The following USP24 variants were observed in gnomAD, a reference collection of about 807,000 sequenced individuals.
The protein encoded by USP24 is ubiquitin carboxyl-terminal hydrolase 24.
A neutral mutation model predicts 361.6 loss-of-function variants in USP24; 97 were observed. That is an observed-to-expected ratio of 0.27 (90% CI 0.23 to 0.32). The LOEUF (loss-of-function observed/expected upper bound fraction) is 0.32. USP24 is among the 10% of genes least tolerant of loss of function. The pLI, the probability that USP24 is intolerant of heterozygous loss-of-function variation, is 1.00. For synonymous variants in USP24, 1,098 were observed against 1,124.6 expected, an observed-to-expected ratio of 0.98 and a Z score of 0.47; for missense variants, 2,353 against 3,165.6, an observed-to-expected ratio of 0.74 and a Z score of 6.16.
At chr1:55,193,215 C>A (rs1644334542) in intron 1 of USP24, among the ~76,000 whole-genome samples, 1 of 152,028 alleles carries the variant, frequency 6.6e-6, no homozygotes, top group Admixed American at 6.6e-5. Flanking sequence ...ATTTAAAGTA[C>A]ACAGGAGGAT....
In USP24 at chr1:55,093,905, T is replaced by G. The variant is rs771207345; in HGVS notation, c.6354+32A>C. 106 of 1,612,214 alleles carry G rather than the reference T, an allele frequency of 6.6e-5. 1 individual carries two copies. The Admixed American group carries it at 1.2e-3, about 18-fold the overall frequency. On this transcript the variant is annotated intron_variant, in intron 52 of 67. Coordinates refer to ENST00000294383, the MANE Select transcript of USP24 (RefSeq NM_015306.3). ...ATACATTTTGATGTCCACGTGGATATTCCCCCTTAGAATTTTTTATATGGT... is the reference window on the plus strand; with the variant it reads ...ATACATTTTGATGTCCACGTGGATAGTCCCCCTTAGAATTTTTTATATGGT...
intron 39 of USP24, among the ~76,000 whole-genome samples, chr1:55,107,783 A>G (rs1028576824): frequency 2.9e-5 from 4 of 137,808 alleles, no homozygotes; most frequent in Middle Eastern, 7.5e-3. Flanking sequence ...CAGAGGTTGC[A>G]GTGAGCTGAG....
In USP24 at chr1:55,207,560, C is replaced by A. The variant is rs184221802; in HGVS notation, c.324+7230G>T. Among the ~76,000 whole-genome samples, 3 of 152,240 alleles carry A rather than the reference C, an allele frequency of 2.0e-5. No individual in the cohort carries two copies. In the East Asian group the frequency reaches 5.8e-4, roughly 29 times the overall value. ...AATAAGAATACAACAATAAAAAATA[C>A]AAACAAGAAACAATATGATGTAACA... On this transcript the variant is annotated intron_variant, in intron 1 of 67. Transcript: ENST00000294383.
At chr1:55,172,967 A>C (rs531212518) in intron 3 of USP24, among the ~76,000 whole-genome samples, 1 of 152,350 alleles carries the variant, frequency 6.6e-6, no homozygotes, top group East Asian at 1.9e-4. Flanking sequence ...ATGAGGATTA[A>C]AAGATATAAC....
intron 63 of USP24, 28 bp downstream of exon 63, chr1:55,075,429 A>G (rs777910006): frequency 1.3e-6 from 2 of 1,576,514 alleles, no homozygotes; most frequent in Admixed American, 1.8e-5. Context: ...TACTATAGAC[A>G]TTTGTGCATA....
At chr1:55,084,872 C>T (rs796597652) in intron 56 of USP24, among the ~76,000 whole-genome samples, 1 of 152,292 alleles carries the variant, frequency 6.6e-6, no homozygotes, top group African/African-American at 2.4e-5. Context: ...GGGTAATATG[C>T]TACGGCCTGA....
intron 1 of USP24, among the ~76,000 whole-genome samples, chr1:55,195,091 T>C (rs1644383058): frequency 6.6e-6 from 1 of 152,126 alleles, no homozygotes; most frequent in South Asian, 2.1e-4. Flanking sequence ...CATCACTCAC[T>C]TCCTCAGAAA....
rs1648003195 is a variant in USP24, at chr1:55,159,106, A to G, written c.1069-70T>C. 3.2e-6 allele frequency: 4 copies of G among 1,252,642 alleles called. No individual in the cohort carries two copies. In the East Asian group the frequency reaches 1.1e-4, roughly 35 times the overall value. The allele number at this position is 1,252,642 out of a possible 1,614,324, so 77.6% of individuals were successfully genotyped here. On this transcript the variant is annotated intron_variant, in intron 9 of 67. Coordinates refer to ENST00000294383, the MANE Select transcript of USP24 (RefSeq NM_015306.3). ...ACATTTTGATCCCAATTCTTATAAC[A>G]TACACAAGAATATAGGGTAACAGTG... is the stretch of plus-strand genomic sequence containing the variant.
At chr1:55,135,419 T>C (rs1337045565) in intron 28 of USP24, among the ~76,000 whole-genome samples, 1 of 152,200 alleles carries the variant, frequency 6.6e-6, no homozygotes, top group African/African-American at 2.4e-5. Context: ...AGTGGAAAAT[T>C]CCATGCCTGA....
In USP24 at chr1:55,148,546, A is replaced by G; in HGVS notation, c.1885T>C (p.Phe629Leu). Reference sequence around the variant, plus strand: ...CGCAAAGCTGGTACCACCCATACAAACTGGGGATTATTAAGCTGAGATGAC... The same window carrying G: ...CGCAAAGCTGGTACCACCCATACAAGCTGGGGATTATTAAGCTGAGATGAC... ...FKSSQLNNPQ[F>L]VWVVPALRQL... Residue 629 changes from phenylalanine to leucine, a missense_variant, in exon 17 of 68, where the codon TTT becomes CTT. By Grantham distance (22) the Phe-to-Leu change is conservative. Transcript: ENST00000294383. The G allele has an allele frequency of 6.3e-7, 1 of 1,589,540 alleles. No individual in the cohort carries two copies. Among genetic ancestry groups the G allele is most frequent in the African/African-American group, 1.3e-5 (1 of 74,596 alleles).
At position 55,076,114 on chromosome 1, in the gene USP24, TA is replaced by T. The variant is rs539062975; in HGVS notation, c.7381-592del. ...TTCCTATCTATGTGTTGCTATCAACTAGATCTATAGTTCTCTGTGGGTTATG... is the reference window on the plus strand; with the variant it reads ...TTCCTATCTATGTGTTGCTATCAACTGATCTATAGTTCTCTGTGGGTTATG... On this transcript the variant is annotated intron_variant, in intron 62 of 67. Transcript: ENST00000294383. Among the ~76,000 whole-genome samples, 128 of 152,368 alleles carry T rather than the reference TA, an allele frequency of 8.4e-4. 1 individual carries two copies. The highest frequency in any genetic ancestry group is 1.6e-3 in the Non-Finnish European group (108 of 68,036).
intron 28 of USP24, 143 bp downstream of exon 28, chr1:55,137,372 G>C (rs115116700): frequency 9.0e-7 from 1 of 1,107,394 alleles, no homozygotes; most frequent in Non-Finnish European, 1.2e-6. Flanking sequence ...GGGATGAAGA[G>C]ATTTTTTTAA....
intron 32 of USP24, among the ~76,000 whole-genome samples, chr1:55,127,351 AATG>A (rs1328389431): frequency 3.9e-5 from 6 of 152,108 alleles, no homozygotes; most frequent in Non-Finnish European, 7.4e-5. Context: ...GTTTACTGAG[AATG>A]ATGATTTCCA....
rs186504486 is a variant in USP24, at chr1:55,208,403, G to A, written c.324+6387C>T. Among the ~76,000 whole-genome samples the A allele has an allele frequency of 4.6e-5, 7 of 152,290 alleles. No homozygotes were observed. The East Asian group carries it at 5.8e-4, about 13-fold the overall frequency. On this transcript the variant is annotated intron_variant, in intron 1 of 67. Coordinates refer to ENST00000294383, the MANE Select transcript of USP24 (RefSeq NM_015306.3). ...AGCACTTTGGGAGGCTGAGGTTGGC[G>A]GATCACTTGAGGCCAGAAGTTCAAG...
chr1:55,099,747 G>C (rs1645585022), intron 45 of USP24, 24 bp downstream of exon 45: 4 of 1,503,400 alleles, frequency 2.7e-6, no homozygotes, highest in African/African-American at 1.4e-5. Context: ...GAGGGAGTTA[G>C]AGGGAAAGTA....
At chr1:55,110,681 AG>A (rs1557575200) in intron 38 of USP24, among the ~76,000 whole-genome samples, 1 of 152,208 alleles carries the variant, frequency 6.6e-6, no homozygotes, top group Non-Finnish European at 1.5e-5. Context: ...GAAGAAAAAC[AG>A]AGCAGAGTAA....
At chr1:55,184,442 T>A (rs1236853867) in intron 1 of USP24, among the ~76,000 whole-genome samples, 1 of 151,914 alleles carries the variant, frequency 6.6e-6, no homozygotes, top group Admixed American at 6.6e-5. Flanking sequence ...ACAACAGAGA[T>A]CTAAAACACA....
chr1:55,097,468 G>C, intron 48 of USP24, 130 bp downstream of exon 48: 1 of 1,346,196 alleles, frequency 7.4e-7, no homozygotes, highest in Admixed American at 2.9e-5. Context: ...CCTAAGATAA[G>C]GGGCTCTTCA....
chr1:55,093,758 C>T (rs1645433380), intron 52 of USP24, 179 bp downstream of exon 52: 1 of 778,216 alleles, frequency 1.3e-6, no homozygotes, highest in Non-Finnish European at 2.0e-6. Context: ...CTTAGCACTC[C>T]ATGGCTCTAG....
Sources: allele counts gnomAD v4.1 joint callset (sites outside exome capture counted in the v4.1 genomes callset), GRCh38; gene constraint gnomAD v4.1.1; transcripts MANE v1.5; gene names NCBI Gene and HGNC (gene_info 2026-07-23, HGNC 2026-07-21).